The following UNC79 variants were observed in gnomAD, a reference collection of about 807,000 sequenced individuals.
The protein encoded by UNC79 is protein unc-79 homolog.
Under a neutral mutation model 283.1 loss-of-function variants are expected in UNC79, and 37 were observed. The ratio of observed to expected loss-of-function variants is 0.13; its 90% confidence interval spans 0.10 to 0.17. The LOEUF is 0.17. UNC79 is among the 10% of genes least tolerant of loss of function. The pLI is 1.00. For missense variants in UNC79, 2,272 were observed against 3,211.1 expected (o/e 0.71, Z 7.07); for synonymous variants, 1,107 against 1,200.2 (o/e 0.92, Z 1.61).
Position 93,529,339 on chromosome 14 carries a change from T to C in UNC79, c.1093+13T>C. The C allele has an allele frequency of 6.2e-7, 1 of 1,613,618 alleles. No homozygotes were observed. The highest frequency in any genetic ancestry group is 8.5e-7 in the Non-Finnish European group (1 of 1,179,750). ...CTTCTGCCACAAGGTATGGTTTACT[T>C]AGGAAAGGATGAATAATGAGTAATC... On this transcript the variant is annotated intron_variant, in intron 10 of 48. Transcript: ENST00000555664.
intron 12 of UNC79, among the ~76,000 whole-genome samples, chr14:93,538,817 A>G (rs2061221736): frequency 6.6e-6 from 1 of 151,446 alleles, no homozygotes; most frequent in African/African-American, 2.4e-5. Context: ...AAAAAAAAAA[A>G]AAAAAGCAAT....
Position 93,690,462 on chromosome 14 carries a change from G to C in UNC79, c.7272+159G>C. 1 of 791,332 alleles carries C rather than the reference G, an allele frequency of 1.3e-6. No homozygotes were observed. The highest frequency in any genetic ancestry group is 1.8e-6 in the Non-Finnish European group (1 of 542,992). 49.0% of individuals were successfully genotyped at this position (791,332 alleles called of 1,614,324 possible). On this transcript the variant is annotated intron_variant, in intron 45 of 48. Coordinates refer to ENST00000555664, the Ensembl canonical transcript of UNC79. The surrounding 1 kb of genome is among the most constrained non-coding windows in gnomAD (Gnocchi z 4.3). Reference sequence around the variant, plus strand: ...TTGTGCTAATGTCTTATTTAAAGTTGTTTAGATTCCCAGACTGTCTTTCCC... The same window carrying C: ...TTGTGCTAATGTCTTATTTAAAGTTCTTTAGATTCCCAGACTGTCTTTCCC...
At position 93,347,361 on chromosome 14, in the gene UNC79, G is replaced by T. The variant is rs775364292; in HGVS notation, c.-351+13838G>T. ...AGCCCGCTCCCCGCTTCGCCCACTCGGGGCCCCCGCGCCAGCGGCCCCTGT... is the reference window on the plus strand; with the variant it reads ...AGCCCGCTCCCCGCTTCGCCCACTCTGGGCCCCCGCGCCAGCGGCCCCTGT... On this transcript the variant is annotated intron_variant, in intron 1 of 49. Coordinates refer to the UNC79 transcript ENST00000256339. The T allele has an allele frequency of 6.4e-6, 10 of 1,562,592 alleles. No individual in the cohort carries two copies. The Admixed American group carries it at 1.1e-4, about 17-fold the overall frequency.
At chr14:93,636,527 G>C (rs1227366705) in intron 31 of UNC79, among the ~76,000 whole-genome samples, 1 of 152,082 alleles carries the variant, frequency 6.6e-6, no homozygotes, top group African/African-American at 2.4e-5. Context: ...AACAGATGTG[G>C]CCATGTAGGC....
At chr14:93,666,261 A>G (rs950988512) in intron 40 of UNC79, among the ~76,000 whole-genome samples, 2 of 152,256 alleles carry the variant, frequency 1.3e-5, no homozygotes, top group Admixed American at 6.5e-5. Context: ...AATTCAATCA[A>G]GACAAAAAGA....
At chr14:93,655,502 C>T (rs2070819233) in intron 38 of UNC79, 95 bp downstream of exon 41, 18 of 1,448,258 alleles carry the variant, frequency 1.2e-5, no homozygotes, top group South Asian at 2.6e-5. Flanking sequence ...TTTAATGTAT[C>T]GCAAAGGTTA....
At chr14:93,428,222 T>A (rs934527591), upstream of UNC79, among the ~76,000 whole-genome samples, 5 of 152,212 alleles carry the variant, frequency 3.3e-5, no homozygotes, top group Middle Eastern at 6.8e-3. Context: ...AGGCACAGCT[T>A]TTTGAGGATG....
chr14:93,576,769 A>G (rs1266695818), intron 17 of UNC79, among the ~76,000 whole-genome samples: 2 of 150,082 alleles, frequency 1.3e-5, no homozygotes, highest in Non-Finnish European at 2.9e-5. Context: ...CCAGAGATGT[A>G]GCACCCAAGT....
At chr14:93,489,676 A>G (rs1217491883) in intron 5 of UNC79, among the ~76,000 whole-genome samples, 4 of 152,166 alleles carry the variant, frequency 2.6e-5, no homozygotes, top group Non-Finnish European at 5.9e-5. Context: ...TTCCAAACCC[A>G]TTGGGGTAAG....
At chr14:93,653,697 C>A in intron 35 of UNC79, 45 bp from the exon 39 acceptor site, 1 of 1,555,808 alleles carries the variant, frequency 6.4e-7, no homozygotes. Flanking sequence ...AACACCTGCT[C>A]ACTGGCCCAT....
chr14:93,466,311 T>G (rs1242766), intron 1 of UNC79, among the ~76,000 whole-genome samples: 143,008 of 152,320 alleles, frequency 0.94, 67,360 homozygotes, highest in Non-Finnish European at 0.98. Flanking sequence ...CCTGGTAACT[T>G]CTGGAAATTG....
upstream of UNC79, among the ~76,000 whole-genome samples, chr14:93,429,390 CAT>C (rs1305926619): frequency 6.6e-6 from 1 of 152,210 alleles, no homozygotes; most frequent in Non-Finnish European, 1.5e-5. Context: ...AGTCCAATCA[CAT>C]ATGCAACCCA....
chr14:93,450,179 C>G (rs1424435958), intron 1 of UNC79, among the ~76,000 whole-genome samples: 1 of 152,068 alleles, frequency 6.6e-6, no homozygotes, highest in African/African-American at 2.4e-5. Context: ...GTGGGTTACT[C>G]TATGTTTTCT....
At chr14:93,511,225 C>T (rs989456587) in intron 7 of UNC79, among the ~76,000 whole-genome samples, 1 of 152,184 alleles carries the variant, frequency 6.6e-6, no homozygotes, top group Non-Finnish European at 1.5e-5. Context: ...GGCTGCTCCT[C>T]CAACACTGAG....
At chr14:93,358,857 C>T (rs1232595143) in intron 1 of UNC79, among the ~76,000 whole-genome samples, 1 of 152,154 alleles carries the variant, frequency 6.6e-6, no homozygotes, top group South Asian at 2.1e-4. Context: ...GGAGCCACCC[C>T]CAACACCCTT....
At chr14:93,378,532 T>C (rs1566901996) in intron 1 of UNC79, among the ~76,000 whole-genome samples, 2 of 152,204 alleles carry the variant, frequency 1.3e-5, no homozygotes, top group East Asian at 3.8e-4. Flanking sequence ...ATGAGATATC[T>C]TGGAGATAGG....
At chr14:93,658,854 TCATCCATC>T (rs543094478) in intron 38 of UNC79, among the ~76,000 whole-genome samples, 3 of 151,946 alleles carry the variant, frequency 2.0e-5, no homozygotes, top group African/African-American at 2.4e-5. Context: ...GTCCATCTAT[TCATCCATC>T]CATCCATCCA....
At chr14:93,451,753 T>C (rs1230759832) in intron 1 of UNC79, among the ~76,000 whole-genome samples, 1 of 152,208 alleles carries the variant, frequency 6.6e-6, no homozygotes, top group Non-Finnish European at 1.5e-5. Flanking sequence ...TGCTGCCGTT[T>C]CTGTGCCTTT....
chr14:93,612,707 C>A, intron 26 of UNC79, 90 bp from the exon 28 acceptor site: 1 of 1,508,208 alleles, frequency 6.6e-7, no homozygotes, highest in Non-Finnish European at 8.9e-7. Context: ...GACGCAGAAA[C>A]AAGGGTGCCT....
Sources: allele counts gnomAD v4.1 joint callset (sites outside exome capture counted in the v4.1 genomes callset), GRCh38; gene constraint gnomAD v4.1.1; non-coding constraint Gnocchi (gnomAD v3.1); transcripts MANE v1.5; gene names NCBI Gene and HGNC (gene_info 2026-07-23, HGNC 2026-07-21).